ACAN: variants seen among roughly 807,000 people sequenced by gnomAD.
The protein encoded by ACAN is aggrecan core protein.
A neutral mutation model predicts 169.1 loss-of-function variants in ACAN; 47 were observed. The ratio of observed to expected loss-of-function variants is 0.28; its 90% CI spans 0.22 to 0.35. The LOEUF (loss-of-function observed/expected upper bound fraction) is 0.35, where lower values mean the gene tolerates loss of function less well. Ranked by LOEUF, ACAN falls within the 10% of genes least tolerant of loss-of-function variation. ACAN has a pLI of 1.00. For synonymous variants in ACAN, 1,115 were observed against 1,112.2 expected (o/e 1.00, Z -0.05); for missense variants, 2,716 against 2,759.9 (o/e 0.98, Z 0.36).
At chr15:88,825,192 A>AT (rs1201157204) in intron 1 of ACAN, among the ~76,000 whole-genome samples, 2 of 152,062 alleles carry the variant, frequency 1.3e-5, no homozygotes, top group Admixed American at 1.3e-4. Context: ...AAGGAGCTGG[A>AT]TTTTTCTCCA....
chr15:88,818,216 C>T (rs1211129538), intron 1 of ACAN, among the ~76,000 whole-genome samples: 1 of 152,168 alleles, frequency 6.6e-6, no homozygotes, highest in Non-Finnish European at 1.5e-5. Flanking sequence ...GCCATGTCTG[C>T]AATGAAAAGT....
intron 1 of ACAN, among the ~76,000 whole-genome samples, chr15:88,809,021 G>A (rs1217053041): frequency 1.3e-5 from 2 of 152,200 alleles, no homozygotes; most frequent in Non-Finnish European, 2.9e-5. Flanking sequence ...GCCTCACTGC[G>A]TTTCTGTTTC....
intron 6 of ACAN, among the ~76,000 whole-genome samples, chr15:88,844,040 C>T (rs1187734300): frequency 6.6e-6 from 1 of 152,178 alleles, no homozygotes; most frequent in Non-Finnish European, 1.5e-5. Context: ...GGGGGTCTGA[C>T]ATGTGACCCT....
intron 1 of ACAN, among the ~76,000 whole-genome samples, chr15:88,816,455 T>A (rs1253758434): frequency 6.6e-6 from 1 of 152,204 alleles, no homozygotes; most frequent in Non-Finnish European, 1.5e-5. Flanking sequence ...GAGTAGAAAG[T>A]GTTTGAATGC....
In ACAN at chr15:88,872,810, G is replaced by A. The variant is rs1897412775; in HGVS notation, c.7303-71G>A. 1 of 1,537,378 alleles carries A rather than the reference G, an allele frequency of 6.5e-7. No homozygotes were observed. Reference sequence around the variant, plus strand: ...GGAGATGATGAAGAGGCTCCACGGGGAAGACAGTCGGAGCAGGCCAACCCG... The same window carrying A: ...GGAGATGATGAAGAGGCTCCACGGGAAAGACAGTCGGAGCAGGCCAACCCG... On this transcript the variant is annotated intron_variant, in intron 16 of 18. Coordinates refer to ENST00000560601, the MANE Select transcript of ACAN (RefSeq NM_001369268.1). The surrounding 1 kb of genome is among the most constrained non-coding windows in gnomAD (Gnocchi z 5.4).
rs1896712966 is a variant in ACAN, at chr15:88,843,366, T to C, written c.769T>C (p.Tyr257His). ...FAEEMEGEVF[Y>H]ATSPEKFTFQ... ...TGTGTCCTTCACAGGTGAGGTCTTTTATGCAACATCTCCAGAGAAGTTCAC... is the reference window on the plus strand; with the variant it reads ...TGTGTCCTTCACAGGTGAGGTCTTTCATGCAACATCTCCAGAGAAGTTCAC... The change falls in exon 6 of 19, where the codon TAT (tyrosine) becomes CAT (histidine). Residue 257 changes from tyrosine (Y) to histidine (H), a missense_variant. By Grantham distance (83) the Tyr-to-His change is moderately conservative. This residue lies in a region of ACAN where 1,283 missense variants were observed against 1,281.5 expected (regional missense o/e 1.00). Transcript: ENST00000560601. The surrounding 1 kb of genome is among the most constrained non-coding windows in gnomAD (Gnocchi z 4.0). 2.5e-6 allele frequency: 4 copies of C among 1,579,290 alleles called. No homozygotes were observed. The highest frequency in any genetic ancestry group is 2.3e-5 in the East Asian group (1 of 44,178).
In ACAN at chr15:88,856,792, A is replaced by C. The variant is rs12899191; in HGVS notation, c.4207A>C (p.Thr1403Pro). The C allele has an allele frequency of 5.2e-5, 42 of 800,906 alleles. 4 individuals are homozygous for C. Among genetic ancestry groups the C allele is most frequent in the Middle Eastern group, 9.4e-4 (2 of 2,126 alleles). The allele number at this position is 800,906 out of a possible 1,614,324, so 49.6% of individuals were successfully genotyped here. A position where few individuals can be genotyped will look rare whatever the true frequency, so the allele number is the denominator to read the frequency against. The change falls in exon 12 of 19, where the codon ACT becomes CCT. Residue 1403 changes from threonine (T) to proline (P), a missense_variant. Around this residue, in one of 3 missense-constraint regions of ACAN, gnomAD observed 44 missense variants for 114.7 expected, o/e 0.38. Transcript: ENST00000560601. ...GLPSGEVLET[T>P]APGVEEISGL... ...TCCTTCTGGAGAAGTTCTAGAGACT[A>C]CTGCCCCTGGAGTAGAGGAGATCAG... is the stretch of plus-strand genomic sequence containing the variant.
At chr15:88,830,419 A>C (rs577286853) in intron 1 of ACAN, among the ~76,000 whole-genome samples, 1 of 152,366 alleles carries the variant, frequency 6.6e-6, no homozygotes, top group South Asian at 2.1e-4. Flanking sequence ...ACTAAAGTGT[A>C]CTTACACAAA....
At chr15:88,829,886 C>T (rs1287431469) in intron 1 of ACAN, among the ~76,000 whole-genome samples, 1 of 152,214 alleles carries the variant, frequency 6.6e-6, no homozygotes, top group Non-Finnish European at 1.5e-5. Context: ...ACTTGATTTT[C>T]AAACTCTAGG....
chr15:88,873,569 G>A lies in ACAN; in HGVS notation c.7448-273G>A. 1 of 489,764 alleles carries A rather than the reference G, an allele frequency of 2.0e-6. No homozygotes were observed. The highest frequency in any genetic ancestry group is 3.4e-5 in the East Asian group (1 of 29,586). 30.3% of individuals were successfully genotyped at this position (489,764 alleles called of 1,614,324 possible). The stretch of plus-strand genomic sequence containing the variant: ...TCATCAAGAAGCCTGAGTCTGCCTG[G>A]CTCTCGCCCTCCACACCTTTCTACC... On this transcript the variant is annotated intron_variant, in intron 17 of 18. Transcript: ENST00000560601. This position sits in a 1 kb window ranked among gnomAD's most constrained non-coding sequence, Gnocchi z 7.5.
chr15:88,840,476 C>T (rs1045708847), intron 4 of ACAN, among the ~76,000 whole-genome samples: 1 of 152,172 alleles, frequency 6.6e-6, no homozygotes, highest in East Asian at 1.9e-4. Flanking sequence ...GATTTCCTCA[C>T]GTTTAAACTT....
rs777066916 is a variant in ACAN at position 88,847,401 on chromosome 15, C to A, written c.1588C>A (p.Arg530=). The change falls in exon 8 of 19, where the codon CGG becomes AGG. Residue 530 remains arginine, a synonymous_variant. Transcript: ENST00000560601. Reference sequence around the variant, plus strand: ...TGAGCAGTGTGACGCCGGCTGGCTGCGGGACCAGACCGTCAGGTGAAGCCA... The same window carrying A: ...TGAGCAGTGTGACGCCGGCTGGCTGAGGGACCAGACCGTCAGGTGAAGCCA... The part of the protein sequence containing the change: ...GYEQCDAGWL[R]DQTVRYPIVS... The A allele has an allele frequency of 1.3e-6, 2 of 1,576,956 alleles. No individual in the cohort carries two copies. Among genetic ancestry groups the A allele is most frequent in the Non-Finnish European group, 1.7e-6 (2 of 1,158,252 alleles).
At position 88,873,954 on chromosome 15, in the gene ACAN, G is replaced by A; in HGVS notation, c.7560G>A (p.Gln2520=). 2 of 1,613,498 alleles carry A rather than the reference G, an allele frequency of 1.2e-6. No homozygotes were observed. Among genetic ancestry groups the A allele is most frequent in the South Asian group, 2.2e-5 (2 of 91,074 alleles). ...VRYQCTEGFV[Q]RHMPTIRCQP... is the part of the protein sequence containing the mutation. The stretch of plus-strand genomic sequence containing the variant: ...ACCAGTGCACAGAGGGGTTTGTCCA[G>A]CGCCACATGCCCACCATCCGGTGCC... The change falls in exon 18 of 19, where the codon CAG becomes CAA. Residue 2520 remains glutamine, a synonymous_variant. Transcript: ENST00000560601. This position sits in a 1 kb window ranked among gnomAD's most constrained non-coding sequence, Gnocchi z 7.5.
At chr15:88,815,442 C>G (rs1210659357) in intron 1 of ACAN, among the ~76,000 whole-genome samples, 1 of 151,450 alleles carries the variant, frequency 6.6e-6, no homozygotes, top group African/African-American at 2.4e-5. Context: ...ACCTGTAATC[C>G]CAGCTACTTG....
At position 88,853,762 on chromosome 15, in the gene ACAN, A is replaced by G. The variant is rs527251422; in HGVS notation, c.2267-1090A>G. Among the ~76,000 whole-genome samples the G allele has an allele frequency of 3.6e-5, 5 of 139,338 alleles. No individual in the cohort carries two copies. In the East Asian group the frequency reaches 9.7e-4, roughly 27 times the overall value. 91.4% of individuals were successfully genotyped at this position (139,338 alleles called of 152,430 possible). ...GATAGATAGATAGATAGATACATACATACATACATACATACATACATACGT... is the reference window on the plus strand; with the variant it reads ...GATAGATAGATAGATAGATACATACGTACATACATACATACATACATACGT... On this transcript the variant is annotated intron_variant, in intron 11 of 18. Transcript: ENST00000560601.
chr15:88,826,400 C>T (rs1430741309), intron 1 of ACAN, among the ~76,000 whole-genome samples: 1 of 147,078 alleles, frequency 6.8e-6, no homozygotes, highest in Non-Finnish European at 1.5e-5. Flanking sequence ...TTTTGGAGCC[C>T]CTGGGAAATT....
Position 88,843,524 on chromosome 15 carries a change from C to T in ACAN, c.927C>T (p.Tyr309=). 6.2e-7 allele frequency: 1 copy of T among 1,612,728 alleles called. No individual in the cohort carries two copies. Among genetic ancestry groups the T allele is most frequent in the Non-Finnish European group, 8.5e-7 (1 of 1,179,728 alleles). ...GGCTGGCCGACCGCAGCGTGCGCTA[C>T]CCCATCTCCAAGGCCCGGCCCAACT... The part of the protein sequence containing the change: ...AGWLADRSVR[Y]PISKARPNCG... The change falls in exon 6 of 19, where the codon TAC becomes TAT. Residue 309 remains tyrosine, a synonymous_variant. Transcript: ENST00000560601. The surrounding 1 kb of genome is among the most constrained non-coding windows in gnomAD (Gnocchi z 4.0).
intron 1 of ACAN, among the ~76,000 whole-genome samples, chr15:88,828,220 G>A (rs1312078943): frequency 6.6e-6 from 1 of 152,098 alleles, no homozygotes; most frequent in Non-Finnish European, 1.5e-5. Flanking sequence ...TTTTTTGAAG[G>A]AATGGAACTG....
At chr15:88,850,108 G>A (rs1896898791) in intron 10 of ACAN, 1 of 568,552 alleles carries the variant, frequency 1.8e-6, no homozygotes, top group Non-Finnish European at 3.1e-6. Context: ...CCTTGGCATA[G>A]TGCCTGGGAC....
Sources: allele counts gnomAD v4.1 joint callset (sites outside exome capture counted in the v4.1 genomes callset), GRCh38; gene constraint gnomAD v4.1.1; regional missense constraint gnomAD v4.1.1; non-coding constraint Gnocchi (gnomAD v3.1); transcripts MANE v1.5; gene names NCBI Gene and HGNC (gene_info 2026-07-23, HGNC 2026-07-21).